Variants in DNAAF1 observed in about 807,000 individuals in gnomAD.
DNAAF1 encodes dynein axonemal assembly factor 1, also known as dynein assembly factor 1, axonemal.
A neutral mutation model predicts 71.1 loss-of-function variants in DNAAF1; 65 were observed. That is an observed-to-expected ratio of 0.91 (90% CI 0.75 to 1.12). The LOEUF (loss-of-function observed/expected upper bound fraction) is 1.12. Ranked by LOEUF, DNAAF1 falls within the 50% of genes most tolerant of loss-of-function variation. The probability of loss-of-function intolerance (pLI) is 0.00; values close to 1 mark genes in which losing one functional copy is unlikely to be tolerated. For missense variants in DNAAF1, 1,178 were observed against 899.8 expected, an observed-to-expected ratio of 1.31 and a Z score of -3.96; for synonymous variants, 414 against 354.6, an observed-to-expected ratio of 1.17 and a Z score of -1.88.
chr16:84,155,614 G>T lies in DNAAF1; in HGVS notation c.606G>T (p.Met202Ile), dbSNP rs1479030427. ...SCLPVLNTLQ[M>I]AHNHLETVED... is the part of the protein sequence containing the mutation. ...TCCCAGTCCTGAACACATTGCAGAT[G>T]GCCCACAATCACCTGGAGACCGTGG... Residue 202 changes from methionine (M) to isoleucine (I), a missense_variant, in exon 5 of 12, where the codon ATG becomes ATT. Transcript: ENST00000378553. 1 of 1,613,972 alleles carries T rather than the reference G, an allele frequency of 6.2e-7. No individual in the cohort carries two copies. Among genetic ancestry groups the T allele is most frequent in the Non-Finnish European group, 8.5e-7 (1 of 1,180,006 alleles).
chr16:84,162,067 T>G (rs1027009175), intron 6 of DNAAF1: 2 of 152,202 alleles, frequency 1.3e-5, no homozygotes, highest in East Asian at 3.9e-4. Context: ...GTAAATGGAC[T>G]GGAACATGGT....
chr16:84,149,291 G>A, intron 2 of DNAAF1, 149 bp downstream of exon 2: 1 of 1,040,186 alleles, frequency 9.6e-7, no homozygotes, highest in African/African-American at 1.6e-5. Context: ...CACTGCCTCT[G>A]CCGCACAGCT....
At chr16:84,161,830 C>T (rs80286197) in intron 6 of DNAAF1, among the ~76,000 whole-genome samples, 15,925 of 151,944 alleles carry the variant, frequency 0.1, 907 homozygotes, top group South Asian at 0.28. Context: ...TCTCTTCGGC[C>T]TGATTTGATT....
intron 8 of DNAAF1, 143 bp downstream of exon 8, chr16:84,170,499 T>G: frequency 7.3e-7 from 1 of 1,361,982 alleles, no homozygotes; most frequent in Non-Finnish European, 1.0e-6. Flanking sequence ...ACTAGTTATC[T>G]TGTTTTCTAG....
intron 7 of DNAAF1, among the ~76,000 whole-genome samples, chr16:84,167,870 A>G (rs1034947478): frequency 6.6e-6 from 1 of 152,090 alleles, no homozygotes; most frequent in Non-Finnish European, 1.5e-5. Flanking sequence ...AGAAAAAATT[A>G]GCTGGGCGTG....
chr16:84,148,756 A>G (rs963056572), intron 1 of DNAAF1, among the ~76,000 whole-genome samples: 1 of 150,946 alleles, frequency 6.6e-6, no homozygotes, highest in Non-Finnish European at 1.5e-5. Context: ...GCACCACTAC[A>G]TCTGGCTAAT....
Position 84,170,331 on chromosome 16 carries a change from ACCG to A in DNAAF1, c.1506_1508del (p.Pro503del). 1 of 1,611,562 alleles carries A rather than the reference ACCG, an allele frequency of 6.2e-7. No homozygotes were observed. The highest frequency in any genetic ancestry group is 1.1e-5 in the South Asian group (1 of 90,920). ...CCCTCCCAGCTGAGGCCCCACCACC[ACCG>A]CCCCTGGGAGCTGCCAGGGAAGGTA... is the stretch of plus-strand genomic sequence containing the variant. On this transcript the variant is annotated inframe_deletion, in exon 8 of 12. Coordinates refer to ENST00000378553, the MANE Select transcript of DNAAF1 (RefSeq NM_178452.6).
Position 84,170,223 on chromosome 16 carries a change from G to A in DNAAF1, c.1395G>A (p.Glu465=), listed in dbSNP as rs899725662. The change falls in exon 8 of 12, where the codon GAG becomes GAA. Residue 465 remains glutamate (E), a synonymous_variant. Coordinates refer to ENST00000378553, the MANE Select transcript of DNAAF1 (RefSeq NM_178452.6). ...VKGEDGDQEP[E]GTLPAETLLL... ...GAGAGGATGGAGATCAAGAGCCAGAGGGGACCCTCCCAGCTGAGACCCTGC... is the reference window on the plus strand; with the variant it reads ...GAGAGGATGGAGATCAAGAGCCAGAAGGGACCCTCCCAGCTGAGACCCTGC... 1 of 1,612,352 alleles carries A rather than the reference G, an allele frequency of 6.2e-7. No homozygotes were observed. Among genetic ancestry groups the A allele is most frequent in the African/African-American group, 1.3e-5 (1 of 74,670 alleles).
At chr16:84,165,972 C>T in intron 7 of DNAAF1, 23 bp downstream of exon 7, 1 of 1,606,070 alleles carries the variant, frequency 6.2e-7, no homozygotes, top group Non-Finnish European at 8.5e-7. Context: ...CCGAAGACAA[C>T]AGCCCCAGAG....
intron 9 of DNAAF1, chr16:84,173,239 G>A (rs1039179923): frequency 4.7e-5 from 43 of 918,302 alleles, no homozygotes; most frequent in Non-Finnish European, 5.5e-5. Flanking sequence ...CGAGGTGGCT[G>A]GATCACGAGG....
chr16:84,146,520 C>T (rs1171796345), intron 1 of DNAAF1, among the ~76,000 whole-genome samples: 2 of 152,156 alleles, frequency 1.3e-5, no homozygotes, highest in African/African-American at 2.4e-5. Flanking sequence ...AGTTCGAGAC[C>T]AGTCTGGCCA....
intron 6 of DNAAF1, among the ~76,000 whole-genome samples, chr16:84,165,357 CT>C (rs1597456796): frequency 6.6e-6 from 1 of 151,966 alleles, no homozygotes; most frequent in African/African-American, 2.4e-5. Context: ...TGTCTTTTTA[CT>C]TTTTTTCAGT....
intron 1 of DNAAF1, among the ~76,000 whole-genome samples, chr16:84,146,491 T>G (rs912294080): frequency 1.3e-5 from 2 of 152,004 alleles, no homozygotes; most frequent in African/African-American, 4.8e-5. Flanking sequence ...CAGAGGCAGG[T>G]GGGTCACCTG....
At chr16:84,146,359 G>T (rs1281706086) in intron 1 of DNAAF1, among the ~76,000 whole-genome samples, 1 of 152,184 alleles carries the variant, frequency 6.6e-6, no homozygotes, top group Admixed American at 6.5e-5. Context: ...GAGTCCGAAT[G>T]AAGACTTGGT....
intron 2 of DNAAF1, among the ~76,000 whole-genome samples, chr16:84,149,360 T>C (rs2087074540): frequency 6.6e-6 from 1 of 152,172 alleles, no homozygotes; most frequent in African/African-American, 2.4e-5. Context: ...CAGTAGTTCC[T>C]CATGACACCA....
rs374631494 is a variant in DNAAF1 at position 84,170,202 on chromosome 16, G to C, written c.1374G>C (p.Glu458Asp). 4 of 1,611,386 alleles carry C rather than the reference G, an allele frequency of 2.5e-6. No individual in the cohort carries two copies. In the African/African-American group the frequency reaches 5.4e-5, roughly 22 times the overall value. Residue 458 changes from glutamate to aspartate, a missense_variant, in exon 8 of 12, where the codon GAG becomes GAC. Transcript: ENST00000378553. ...CGCCACCTGTGGAGGTTAAAGGAGA[G>C]GATGGAGATCAAGAGCCAGAGGGGA... ...PPPPPVEVKG[E>D]DGDQEPEGTL...
chr16:84,167,477 T>C (rs889430240), intron 7 of DNAAF1, among the ~76,000 whole-genome samples: 1 of 152,148 alleles, frequency 6.6e-6, no homozygotes, highest in Non-Finnish European at 1.5e-5. Flanking sequence ...GCTTGGTCTC[T>C]GTGCTCCAGA....
At chr16:84,163,858 A>G (rs993705794) in intron 6 of DNAAF1, among the ~76,000 whole-genome samples, 5 of 141,482 alleles carry the variant, frequency 3.5e-5, no homozygotes, top group South Asian at 2.4e-4. Context: ...AAATTAATAG[A>G]CTTTTTTTTT....
chr16:84,174,431 C>T, intron 9 of DNAAF1: 2 of 1,401,416 alleles, frequency 1.4e-6, no homozygotes, highest in Non-Finnish European at 1.9e-6. Context: ...ATTCTTTAAA[C>T]ACGTCACACC....
Sources: gnomAD v4.1 joint callset for allele counts (sites outside exome capture counted in the v4.1 genomes callset) on GRCh38, gnomAD v4.1.1 for gene constraint, MANE v1.5 for transcripts, NCBI Gene and HGNC (gene_info 2026-07-23, HGNC 2026-07-21) for gene names.